NRG1: variants seen among roughly 807,000 people sequenced by gnomAD.
The protein encoded by NRG1 is pro-neuregulin-1, membrane-bound isoform.
Under a neutral mutation model 63.8 loss-of-function variants are expected in NRG1, and 18 were observed. That is an observed-to-expected ratio of 0.28 (90% CI 0.19 to 0.42). The LOEUF is 0.42. Among genes scored for constraint, NRG1 ranks in the 10% least tolerant of loss-of-function variants. The pLI is 1.00. For synonymous variants in NRG1, 302 were observed against 301.3 expected, an observed-to-expected ratio of 1.00 and a Z score of -0.02; for missense variants, 762 against 814.7, an observed-to-expected ratio of 0.94 and a Z score of 0.79.
At chr8:32,617,003 A>G (rs1847492213) in intron 5 of NRG1, 118 bp downstream of exon 5, 1 of 748,478 alleles carries the variant, frequency 1.3e-6, no homozygotes, top group African/African-American at 1.8e-5. Context: ...TGAGTTTGGC[A>G]ATAGGTGGTA....
chr8:32,196,810 T>C (rs1473380523), intron 1 of NRG1, among the ~76,000 whole-genome samples: 1 of 152,102 alleles, frequency 6.6e-6, no homozygotes, highest in Non-Finnish European at 1.5e-5. Context: ...TTAGGCTTCC[T>C]CTTATAGTCT....
intron 1 of NRG1, among the ~76,000 whole-genome samples, chr8:32,191,515 A>G (rs1842491282): frequency 6.6e-6 from 1 of 152,218 alleles, no homozygotes; most frequent in South Asian, 2.1e-4. Context: ...GCCATATGAA[A>G]CATCATCATA....
chr8:32,421,899 A>G (rs1475583995), intron 1 of NRG1, among the ~76,000 whole-genome samples: 1 of 152,220 alleles, frequency 6.6e-6, no homozygotes, highest in Non-Finnish European at 1.5e-5. Flanking sequence ...AAAGTCAAAT[A>G]CTGCATCTTC....
intron 1 of NRG1, among the ~76,000 whole-genome samples, chr8:32,299,116 C>T (rs1244602318): frequency 6.7e-6 from 1 of 149,154 alleles, no homozygotes; most frequent in East Asian, 2.0e-4. Flanking sequence ...TAACCCTTAA[C>T]ATTTAAACAA....
At chr8:32,726,965 T>TA (rs944819793) in intron 5 of NRG1, among the ~76,000 whole-genome samples, 27 of 152,196 alleles carry the variant, frequency 1.8e-4, no homozygotes, top group African/African-American at 6.5e-4. Flanking sequence ...ACTGGCTTGA[T>TA]ATACTGGTTT....
intron 11 of NRG1, chr8:32,763,181 A>G (rs76722588): frequency 6.2e-7 from 1 of 1,604,592 alleles, no homozygotes; most frequent in South Asian, 1.1e-5. Flanking sequence ...GTTGTCAGGA[A>G]TAAATCTAAG....
At chr8:32,121,335 G>A (rs1833417068) in intron 1 of NRG1, among the ~76,000 whole-genome samples, 1 of 151,950 alleles carries the variant, frequency 6.6e-6, no homozygotes. Context: ...GGGCTTAAGT[G>A]TTGATTTGTT....
Position 31,640,233 on chromosome 8 carries a change from C to A in NRG1, c.37+802C>A. The A allele has an allele frequency of 8.7e-7, 1 of 1,155,752 alleles. No individual in the cohort carries two copies. Among genetic ancestry groups the A allele is most frequent in the Non-Finnish European group, 1.1e-6 (1 of 939,082 alleles). The allele number at this position is 1,155,752 out of a possible 1,614,324, so 71.6% of individuals were successfully genotyped here. A position where few individuals can be genotyped will look rare whatever the true frequency, so the allele number is the denominator to read the frequency against. Reference sequence around the variant, plus strand: ...TAGCTCAGCGCGCCGCGGTGGTGATCGAGGGAAAGGTGCACCCGCAGCGGC... The same window carrying A: ...TAGCTCAGCGCGCCGCGGTGGTGATAGAGGGAAAGGTGCACCCGCAGCGGC... On this transcript the variant is annotated intron_variant, in intron 1 of 10. Coordinates refer to the NRG1 transcript ENST00000519301. This position sits in a 1 kb window ranked among gnomAD's most constrained non-coding sequence, Gnocchi z 6.3.
At position 32,073,291 on chromosome 8, in the gene NRG1, A is replaced by G. The variant is rs1486200555; in HGVS notation, c.37+433860A>G. Among the ~76,000 whole-genome samples, 9 of 152,114 alleles carry G rather than the reference A, an allele frequency of 5.9e-5. No homozygotes were observed. The East Asian group carries it at 1.7e-3, about 29-fold the overall frequency. On this transcript the variant is annotated intron_variant, in intron 1 of 10. Transcript: ENST00000519301. The stretch of plus-strand genomic sequence containing the variant: ...ATTTTTCTGCACAGAGCTTTATAGG[A>G]TTTCATTTCGGGTTAATAAGGGGAA...
chr8:32,055,782 C>T (rs1305541229), intron 1 of NRG1, among the ~76,000 whole-genome samples: 1 of 151,542 alleles, frequency 6.6e-6, no homozygotes, highest in East Asian at 1.9e-4. Context: ...AAGACTTGAA[C>T]GGGGACTGGC....
chr8:32,136,911 C>T (rs1248277074), intron 1 of NRG1, among the ~76,000 whole-genome samples: 1 of 152,072 alleles, frequency 6.6e-6, no homozygotes, highest in Non-Finnish European at 1.5e-5. Flanking sequence ...TAGTACTTGG[C>T]TAAGCACAGA....
chr8:32,418,724 G>T (rs934163624), intron 1 of NRG1, among the ~76,000 whole-genome samples: 3 of 152,138 alleles, frequency 2.0e-5, no homozygotes, highest in African/African-American at 7.2e-5. Context: ...AGTAAAATTT[G>T]TAAAGCTATT....
At chr8:32,447,938 A>G (rs1820478210) in intron 1 of NRG1, among the ~76,000 whole-genome samples, 1 of 152,046 alleles carries the variant, frequency 6.6e-6, no homozygotes, top group Non-Finnish European at 1.5e-5. Flanking sequence ...ATAACTCCTT[A>G]TGATAATTTT....
intron 1 of NRG1, among the ~76,000 whole-genome samples, chr8:32,189,457 G>A (rs1842274742): frequency 6.6e-6 from 1 of 152,132 alleles, no homozygotes; most frequent in South Asian, 2.1e-4. Context: ...ATGGTATGTA[G>A]AACCTAACAG....
chr8:32,101,539 G>GA (rs1830586173), intron 1 of NRG1, among the ~76,000 whole-genome samples: 1 of 146,664 alleles, frequency 6.8e-6, no homozygotes, highest in African/African-American at 2.5e-5. Flanking sequence ...ATATGACCTA[G>GA]ACTGTGTTGT....
At chr8:32,613,175 CA>C (rs1215117018) in intron 3 of NRG1, among the ~76,000 whole-genome samples, 4 of 151,986 alleles carry the variant, frequency 2.6e-5, no homozygotes, top group African/African-American at 9.7e-5. Flanking sequence ...CCAACGTAGG[CA>C]ACTTTGATGT....
At position 31,821,383 on chromosome 8, in the gene NRG1, G is replaced by A. The variant is rs79562719; in HGVS notation, c.37+181952G>A. Among the ~76,000 whole-genome samples the A allele has an allele frequency of 4.4e-3, 670 of 152,272 alleles. 6 individuals carry two copies. Among genetic ancestry groups the A allele is most frequent in the African/African-American group, 0.015 (640 of 41,548 alleles). ...CTAAGGCCAATTCTTTACCTCTGAT[G>A]TCTGGAATAAGAGCCAGATTTCCCA... is the stretch of plus-strand genomic sequence containing the variant. On this transcript the variant is annotated intron_variant, in intron 1 of 10. Coordinates refer to the NRG1 transcript ENST00000519301.
At chr8:32,203,051 G>T (rs540329106) in intron 1 of NRG1, among the ~76,000 whole-genome samples, 10 of 151,994 alleles carry the variant, frequency 6.6e-5, no homozygotes, top group Admixed American at 3.3e-4. Flanking sequence ...CTCTCAAGTT[G>T]CAAGTGATAC....
At chr8:32,772,804 A>G (rs377233262), downstream of NRG1, among the ~76,000 whole-genome samples, 2 of 152,244 alleles carry the variant, frequency 1.3e-5, no homozygotes, top group East Asian at 3.9e-4. Context: ...TCTCTTCACC[A>G]TTAAGAATAA....
Sources: allele counts gnomAD v4.1 joint callset (sites outside exome capture counted in the v4.1 genomes callset), GRCh38; gene constraint gnomAD v4.1.1; non-coding constraint Gnocchi (gnomAD v3.1); transcripts MANE v1.5; gene names NCBI Gene and HGNC (gene_info 2026-07-23, HGNC 2026-07-21).